Variants in IPO11 observed in about 807,000 individuals in gnomAD.
The protein encoded by IPO11 is importin 11.
In IPO11, 66 loss-of-function variants were observed where a neutral mutation model predicts 143.2. The ratio of observed to expected loss-of-function variants is 0.46; its 90% CI spans 0.38 to 0.57. IPO11 has a LOEUF of 0.57. Ranked by LOEUF, IPO11 falls within the 20% of genes least tolerant of loss-of-function variation. IPO11 has a pLI of 0.00. For missense variants in IPO11, 1,026 were observed against 1,141.0 expected (o/e 0.90, Z 1.45); for synonymous variants, 385 against 377.8 (o/e 1.02, Z -0.22).
In IPO11 at chr5:62,494,080, C is replaced by T; in HGVS notation, c.1546C>T (p.Leu516Phe). Residue 516 changes from leucine to phenylalanine, a missense_variant, in exon 16 of 30, where the codon CTT becomes TTT. Leu to Phe is a conservative substitution (Grantham distance 22). Transcript: ENST00000325324. ...VKFKSDLRPM[L>F]YEAICNLLQD... ...ATTCAAGTCTGACTTAAGACCCATG[C>T]TTTATGAAGCAATCTGTAACTTGCT... 6.2e-7 allele frequency: 1 copy of T among 1,612,818 alleles called. No individual in the cohort carries two copies. Among genetic ancestry groups the T allele is most frequent in the Non-Finnish European group, 8.5e-7 (1 of 1,179,312 alleles).
intron 23 of IPO11, among the ~76,000 whole-genome samples, 195 bp from the exon 24 acceptor site, chr5:62,537,014 G>GT (rs1310908574): frequency 6.6e-6 from 1 of 151,982 alleles, no homozygotes; most frequent in Non-Finnish European, 1.5e-5. Context: ...ATGAAAATCA[G>GT]TGTATCAATA....
At chr5:62,623,454 GAT>G (rs1415453303) in intron 29 of IPO11, among the ~76,000 whole-genome samples, 1 of 152,106 alleles carries the variant, frequency 6.6e-6, no homozygotes, top group Non-Finnish European at 1.5e-5. Flanking sequence ...AAGCAGTCCT[GAT>G]CCAGATCCCA....
chr5:62,565,544 A>T (rs1013437410), intron 27 of IPO11, among the ~76,000 whole-genome samples: 1 of 152,190 alleles, frequency 6.6e-6, no homozygotes, highest in African/African-American at 2.4e-5. Flanking sequence ...TGAAGAAAAG[A>T]AACAAACTAA....
intron 2 of IPO11, among the ~76,000 whole-genome samples, chr5:62,439,531 C>T (rs528633451): frequency 1.3e-5 from 2 of 151,758 alleles, no homozygotes; most frequent in Admixed American, 1.3e-4. Flanking sequence ...TTGTGATCCG[C>T]CCGCCTTGGC....
chr5:62,561,290 T>C (rs1743760956), intron 27 of IPO11, 33 bp downstream of exon 27: 1 of 1,200,014 alleles, frequency 8.3e-7, no homozygotes. Context: ...TTTGTTTCTT[T>C]CAAGCATCAA....
intron 15 of IPO11, among the ~76,000 whole-genome samples, chr5:62,493,326 T>G (rs1253463757): frequency 6.6e-6 from 1 of 152,152 alleles, no homozygotes; most frequent in Non-Finnish European, 1.5e-5. Context: ...TATTATTATT[T>G]TTGGGGACCT....
chr5:62,441,677 G>A (rs1305563560), intron 2 of IPO11, among the ~76,000 whole-genome samples: 3 of 150,936 alleles, frequency 2.0e-5, no homozygotes, highest in Non-Finnish European at 4.4e-5. Flanking sequence ...ACCACACCCA[G>A]CTAATTTTTT....
intron 1 of IPO11, among the ~76,000 whole-genome samples, chr5:62,436,073 TG>T (rs2112129186): frequency 6.6e-6 from 1 of 152,254 alleles, no homozygotes; most frequent in African/African-American, 2.4e-5. Context: ...ATCAGTAACT[TG>T]GTATTTTTCA....
At chr5:62,503,873 C>G (rs575590532) in intron 16 of IPO11, among the ~76,000 whole-genome samples, 4 of 152,088 alleles carry the variant, frequency 2.6e-5, no homozygotes, top group African/African-American at 9.7e-5. Flanking sequence ...ATAACAGTTG[C>G]TATAGTGTAA....
chr5:62,469,233 A>G (rs1459026637), intron 6 of IPO11, among the ~76,000 whole-genome samples: 5 of 152,220 alleles, frequency 3.3e-5, no homozygotes, highest in Non-Finnish European at 7.3e-5. Flanking sequence ...AAGGGATTCA[A>G]TTTGAATTCT....
intron 3 of IPO11, chr5:62,443,350 ATAT>A (rs369883249): frequency 1.0e-3 from 336 of 323,588 alleles, no homozygotes; most frequent in African/African-American, 6.7e-3. Context: ...ATCAACAGCT[ATAT>A]TATTGTTTTC....
intron 27 of IPO11, among the ~76,000 whole-genome samples, chr5:62,566,059 C>T (rs10065749): frequency 0.61 from 91,888 of 151,854 alleles, 28,171 homozygotes; most frequent in South Asian, 0.68. Context: ...TACATGTTTT[C>T]GTTATTGTAA....
chr5:62,494,191 A>C, intron 16 of IPO11, 67 bp downstream of exon 16: 1 of 1,406,150 alleles, frequency 7.1e-7, no homozygotes, highest in East Asian at 2.4e-5. Context: ...CATCAAGTTC[A>C]CAACAGTTTA....
At chr5:62,461,078 T>C (rs1267631318) in intron 5 of IPO11, among the ~76,000 whole-genome samples, 1 of 152,216 alleles carries the variant, frequency 6.6e-6, no homozygotes, top group Non-Finnish European at 1.5e-5. Context: ...AGAAAAACTT[T>C]TCAAACACTT....
intron 15 of IPO11, among the ~76,000 whole-genome samples, chr5:62,491,439 G>T (rs528865191): frequency 6.6e-6 from 1 of 152,132 alleles, no homozygotes; most frequent in Non-Finnish European, 1.5e-5. Context: ...GTGCAGTTTA[G>T]TTGTCCTTAA....
At chr5:62,579,621 T>A in intron 27 of IPO11, 1 of 1,550,818 alleles carries the variant, frequency 6.4e-7, no homozygotes, top group Non-Finnish European at 8.7e-7. Context: ...TTCCTGAAAG[T>A]ACAGTTTTTC....
intron 2 of IPO11, among the ~76,000 whole-genome samples, chr5:62,440,233 A>G (rs556566817): frequency 1.3e-5 from 2 of 152,330 alleles, no homozygotes; most frequent in East Asian, 3.9e-4. Flanking sequence ...ACTTGCACCC[A>G]GTTGCCAGTG....
In IPO11 at chr5:62,485,462, G is replaced by A. The variant is rs1262004234; in HGVS notation, c.1218G>A (p.Arg406=). The change falls in exon 12 of 30, where the codon AGG becomes AGA. Residue 406 remains arginine (R), a splice_region_variant and synonymous_variant. Coordinates refer to ENST00000325324, the MANE Select transcript of IPO11 (RefSeq NM_016338.5). ...GAGATTCTTGGAAATATAGTTTGAG[G>A]GTAAGTATTAATTGCAAGAAAAATT... ...TGGDSWKYSL[R]PCTEVLFIDI... 1 of 1,605,370 alleles carries A rather than the reference G, an allele frequency of 6.2e-7. No individual in the cohort carries two copies. Among genetic ancestry groups the A allele is most frequent in the East Asian group, 2.2e-5 (1 of 44,764 alleles).
Position 62,442,929 on chromosome 5 carries a change from T to G in IPO11, c.139-54T>G, listed in dbSNP as rs1239562105. 5 of 981,352 alleles carry G rather than the reference T, an allele frequency of 5.1e-6. No homozygotes were observed. The Admixed American group carries it at 1.1e-4, about 21-fold the overall frequency. 60.8% of individuals were successfully genotyped at this position (981,352 alleles called of 1,614,324 possible). The stretch of plus-strand genomic sequence containing the variant: ...CCATACTTTATTGTGGGTACATTAA[T>G]TATACTTTTTACTTATTCCATGCTA... On this transcript the variant is annotated intron_variant, in intron 2 of 29. Transcript: ENST00000325324.
Sources: gnomAD v4.1 joint callset for allele counts (sites outside exome capture counted in the v4.1 genomes callset) on GRCh38, gnomAD v4.1.1 for gene constraint, MANE v1.5 for transcripts, NCBI Gene and HGNC (gene_info 2026-07-23, HGNC 2026-07-21) for gene names.